The following PCNT variants were observed in gnomAD, a reference collection of about 807,000 sequenced individuals.
PCNT encodes pericentrin, also known as kendrin.
In PCNT, 319 loss-of-function variants were observed where a neutral mutation model predicts 380.4. The observed-to-expected ratio is 0.84, with a 90% CI of 0.77 to 0.92. The LOEUF is 0.92. PCNT is among the 40% of genes least tolerant of loss of function. PCNT has a pLI of 0.00. For missense variants in PCNT, 4,400 were observed against 4,255.3 expected (o/e 1.03, Z -0.95); for synonymous variants, 1,845 against 1,735.2 (o/e 1.06, Z -1.57).
At chr21:46,421,828 G>C in intron 31 of PCNT, 142 bp from the exon 32 acceptor site, 1 of 924,324 alleles carries the variant, frequency 1.1e-6, no homozygotes, top group Non-Finnish European at 1.7e-6. Flanking sequence ...GGGGCCATCA[G>C]TGTTTTCTCC....
Position 46,353,316 on chromosome 21 carries a change from G to A in PCNT, c.1669G>A (p.Val557Met). 1 of 1,614,044 alleles carries A rather than the reference G, an allele frequency of 6.2e-7. No individual in the cohort carries two copies. Among genetic ancestry groups the A allele is most frequent in the Non-Finnish European group, 8.5e-7 (1 of 1,179,938 alleles). ...GAREDALLDS[V>M]EVGLSCVGLE... ...GAGGGAAGATGCTCTTCTGGACTCTGTGGAAGTTGGGTAAGCAAAGCAGTT... is the reference window on the plus strand; with the variant it reads ...GAGGGAAGATGCTCTTCTGGACTCTATGGAAGTTGGGTAAGCAAAGCAGTT... The change falls in exon 10 of 47, where the codon GTG becomes ATG. Residue 557 changes from valine to methionine, a missense_variant. Val to Met is a conservative substitution (Grantham distance 21). Transcript: ENST00000359568.
intron 5 of PCNT, 115 bp downstream of exon 5, chr21:46,347,113 G>C: frequency 4.6e-6 from 6 of 1,293,174 alleles, no homozygotes; most frequent in Non-Finnish European, 6.4e-6. Context: ...CCCCATCTCT[G>C]TTCTCAGCAC....
chr21:46,347,366 T>C, intron 5 of PCNT, 91 bp from the exon 6 acceptor site: 8 of 1,259,796 alleles, frequency 6.4e-6, no homozygotes, highest in Middle Eastern at 1.9e-4. Context: ...ACGTGTCCAG[T>C]GGGTGCCAGA....
chr21:46,356,546 G>A (rs985682279), intron 12 of PCNT, among the ~76,000 whole-genome samples: 2 of 152,244 alleles, frequency 1.3e-5, no homozygotes, highest in African/African-American at 4.8e-5. Context: ...GGAGGTGCTG[G>A]GACAGGAACC....
At chr21:46,438,543 G>A (rs1481888835) in intron 41 of PCNT, among the ~76,000 whole-genome samples, 2 of 152,138 alleles carry the variant, frequency 1.3e-5, no homozygotes, top group African/African-American at 2.4e-5. Flanking sequence ...TTCCAGCTCC[G>A]CCACAGACGG....
intron 6 of PCNT, among the ~76,000 whole-genome samples, chr21:46,348,047 C>A (rs1162960952): frequency 6.6e-6 from 1 of 152,204 alleles, no homozygotes; most frequent in African/African-American, 2.4e-5. Flanking sequence ...ATCTGGGCAG[C>A]TCTCAGGCCC....
At chr21:46,369,041 G>A (rs2085028338) in intron 15 of PCNT, among the ~76,000 whole-genome samples, 1 of 152,216 alleles carries the variant, frequency 6.6e-6, no homozygotes, top group Non-Finnish European at 1.5e-5. Context: ...ATCGCTGTGA[G>A]GGTTTCATGT....
chr21:46,442,447 C>T (rs1354497756), intron 43 of PCNT, 50 bp from the exon 44 acceptor site: 1 of 1,189,072 alleles, frequency 8.4e-7, no homozygotes, highest in Non-Finnish European at 1.3e-6. Context: ...TGCTCTTTCC[C>T]TTCCTGTCTT....
At chr21:46,367,207 G>A in intron 15 of PCNT, 68 bp downstream of exon 15, 6 of 1,356,602 alleles carry the variant, frequency 4.4e-6, no homozygotes, top group Non-Finnish European at 6.2e-6. Context: ...TTTCCACCGC[G>A]TGTCACATGT....
intron 15 of PCNT, among the ~76,000 whole-genome samples, chr21:46,374,272 C>T (rs2147046113): frequency 6.6e-6 from 1 of 152,274 alleles, no homozygotes; most frequent in East Asian, 1.9e-4. Flanking sequence ...CACCATGTGT[C>T]TGCGAGTGAG....
At chr21:46,364,693 C>T (rs967919624) in intron 14 of PCNT, among the ~76,000 whole-genome samples, 6 of 152,098 alleles carry the variant, frequency 3.9e-5, no homozygotes, top group East Asian at 1.9e-4. Context: ...ACCCTTTTTG[C>T]GAGCCTCAGT....
At chr21:46,355,332 C>T (rs1427001674) in intron 11 of PCNT, 120 bp from the exon 12 acceptor site, 7 of 1,075,462 alleles carry the variant, frequency 6.5e-6, no homozygotes, top group Admixed American at 5.1e-5. Context: ...CGTGTGGTCT[C>T]ATGAACCTAG....
In PCNT at chr21:46,416,376, A is replaced by G. The variant is rs758705082; in HGVS notation, c.6458A>G (p.Asn2153Ser). The change falls in exon 30 of 47, where the codon AAT (asparagine) becomes AGT (serine). Residue 2153 changes from asparagine (N) to serine (S), a missense_variant. Coordinates refer to ENST00000359568, the MANE Select transcript of PCNT (RefSeq NM_006031.6). ...KNQAIDACDA[N>S]TTPGGVTDVI... Reference sequence around the variant, plus strand: ...CAGGCCATAGACGCGTGTGATGCCAATACAACCCCAGGGGGTGTAACTGAT... The same window carrying G: ...CAGGCCATAGACGCGTGTGATGCCAGTACAACCCCAGGGGGTGTAACTGAT... 2.3e-5 allele frequency: 37 copies of G among 1,614,146 alleles called. No individual in the cohort carries two copies. Among genetic ancestry groups the G allele is most frequent in the African/African-American group, 1.5e-4 (11 of 75,036 alleles).
At position 46,411,932 on chromosome 21, in the gene PCNT, C is replaced by T; in HGVS notation, c.5859C>T (p.Arg1953=). The change falls in exon 28 of 47, where the codon CGC becomes CGT. Residue 1953 remains arginine, a synonymous_variant. Transcript: ENST00000359568. ...TGGAGCTGGACAGGCGGCAGGCCCG[C>T]AGAGCCACAGCTCACACACGGGTGC... ...CQVELDRRQA[R]RATAHTRVPG... The T allele has an allele frequency of 6.3e-7, 1 of 1,593,598 alleles. No individual in the cohort carries two copies. Among genetic ancestry groups the T allele is most frequent in the Non-Finnish European group, 8.5e-7 (1 of 1,177,652 alleles).
intron 19 of PCNT, among the ~76,000 whole-genome samples, chr21:46,390,083 G>A (rs1392619558): frequency 2.6e-5 from 4 of 152,270 alleles, no homozygotes; most frequent in Admixed American, 2.0e-4. Context: ...CAGAGCCTCA[G>A]CCTGGCCGTG....
intron 15 of PCNT, among the ~76,000 whole-genome samples, chr21:46,372,199 C>T (rs996080992): frequency 6.0e-5 from 9 of 150,322 alleles, no homozygotes; most frequent in African/African-American, 2.2e-4. Flanking sequence ...AGCACACACA[C>T]AGAGAGCACA....
chr21:46,341,583 G>T (rs1051924797), intron 3 of PCNT, among the ~76,000 whole-genome samples: 28 of 151,658 alleles, frequency 1.8e-4, no homozygotes, highest in Admixed American at 3.9e-4. Flanking sequence ...ACCAGGGTAG[G>T]CTCTAACTGC....
chr21:46,402,572 GTC>G, intron 27 of PCNT, 89 bp downstream of exon 27: 8 of 1,408,512 alleles, frequency 5.7e-6, no homozygotes, highest in Non-Finnish European at 8.0e-6. Context: ...GGGGAGGCGA[GTC>G]TCTGGTCTTC....
chr21:46,364,001 C>A, intron 14 of PCNT, 67 bp downstream of exon 14: 1 of 1,470,586 alleles, frequency 6.8e-7, no homozygotes, highest in Non-Finnish European at 9.4e-7. Flanking sequence ...AGAAGGTGGG[C>A]AGGCTCCTGG....
Sources: gnomAD v4.1 joint callset for allele counts (sites outside exome capture counted in the v4.1 genomes callset) on GRCh38, gnomAD v4.1.1 for gene constraint, MANE v1.5 for transcripts, NCBI Gene and HGNC (gene_info 2026-07-23, HGNC 2026-07-21) for gene names.